Variants in OPCML observed in about 807,000 individuals in gnomAD.
OPCML encodes the protein opioid-binding protein/cell adhesion molecule.
A neutral mutation model predicts 37.8 loss-of-function variants in OPCML; 13 were observed. The observed-to-expected ratio is 0.34, with a 90% CI of 0.22 to 0.55. The LOEUF is 0.55. OPCML is among the 20% of genes least tolerant of loss of function. The pLI is 0.91. For missense variants in OPCML, 341 were observed against 435.6 expected (o/e 0.78, Z 1.93); for synonymous variants, 176 against 168.8 (o/e 1.04, Z -0.33).
At chr11:133,209,684 T>C (rs1397250112) in intron 1 of OPCML, among the ~76,000 whole-genome samples, 1 of 152,160 alleles carries the variant, frequency 6.6e-6, no homozygotes, top group Non-Finnish European at 1.5e-5. Context: ...CGAGTAGACT[T>C]CTATGAATGG....
chr11:133,439,292 G>GGT, intron 1 of OPCML: 3 of 879,932 alleles, frequency 3.4e-6, no homozygotes, highest in Non-Finnish European at 4.1e-6. Flanking sequence ...AGTAAAAGAT[G>GGT]TTTTTTTTTT....
chr11:132,503,926 T>G (rs1391743139), intron 4 of OPCML, among the ~76,000 whole-genome samples: 1 of 152,198 alleles, frequency 6.6e-6, no homozygotes, highest in Non-Finnish European at 1.5e-5. Context: ...GGTAGCTATC[T>G]CTTAGAGTAA....
At chr11:133,395,316 G>A (rs1945261689) in intron 1 of OPCML, among the ~76,000 whole-genome samples, 1 of 152,150 alleles carries the variant, frequency 6.6e-6, no homozygotes, top group East Asian at 1.9e-4. Flanking sequence ...CTCCCGTCCT[G>A]TGAGTTATCT....
intron 4 of OPCML, among the ~76,000 whole-genome samples, chr11:132,437,663 C>T: frequency 6.6e-6 from 1 of 152,098 alleles, no homozygotes; most frequent in Non-Finnish European, 1.5e-5. Context: ...TCAGAGATGA[C>T]ATGATAAATA....
intron 1 of OPCML, among the ~76,000 whole-genome samples, chr11:133,524,776 T>C (rs1253458097): frequency 6.6e-6 from 1 of 152,232 alleles, no homozygotes; most frequent in Non-Finnish European, 1.5e-5. Context: ...AAGCATTCCC[T>C]GCACATTCCC....
intron 1 of OPCML, among the ~76,000 whole-genome samples, chr11:133,250,880 C>T (rs1941110345): frequency 1.3e-5 from 2 of 152,042 alleles, no homozygotes; most frequent in African/African-American, 4.8e-5. Flanking sequence ...TAAACAGTTG[C>T]CAGTCCTGAA....
rs1328937700 is a variant in OPCML at position 133,173,345 on chromosome 11, T to C, written c.62-230335A>G. Reference sequence around the variant, plus strand: ...TCTCTACTTGTAGACCCCAACATTCTTGGAGTCTGAGACTCATAGAGAGGG... The same window carrying C: ...TCTCTACTTGTAGACCCCAACATTCCTGGAGTCTGAGACTCATAGAGAGGG... On this transcript the variant is annotated intron_variant, in intron 1 of 7. Coordinates refer to ENST00000524381, the MANE Select transcript of OPCML (RefSeq NM_001012393.5). This position sits in a 1 kb window ranked among gnomAD's most constrained non-coding sequence, Gnocchi z 7.8. 6.6e-6 allele frequency among the ~76,000 whole-genome samples: 1 copy of C among 152,218 alleles called. No homozygotes were observed. The highest frequency in any genetic ancestry group is 1.5e-5 in the Non-Finnish European group (1 of 68,052).
At chr11:132,963,983 G>A (rs996488519) in intron 1 of OPCML, among the ~76,000 whole-genome samples, 3 of 152,028 alleles carry the variant, frequency 2.0e-5, no homozygotes, top group Non-Finnish European at 2.9e-5. Context: ...GAATGTATAC[G>A]GCAGGTCAGG....
chr11:133,492,172 G>C (rs1343014263), intron 1 of OPCML, among the ~76,000 whole-genome samples: 1 of 151,978 alleles, frequency 6.6e-6, no homozygotes, highest in Non-Finnish European at 1.5e-5. Context: ...GGTGTAGACT[G>C]AGTGGACAGG....
chr11:133,513,925 C>A (rs559850833), intron 1 of OPCML, among the ~76,000 whole-genome samples: 4 of 152,220 alleles, frequency 2.6e-5, no homozygotes, highest in African/African-American at 7.2e-5. Flanking sequence ...GCAAAGAAAT[C>A]GAGCCAGCAA....
chr11:132,818,587 T>TTAGATAGATAGATAGA (rs1555193663), intron 2 of OPCML, among the ~76,000 whole-genome samples: 3 of 138,028 alleles, frequency 2.2e-5, no homozygotes, highest in African/African-American at 5.4e-5. Context: ...TCTCTCTCTC[T>TTAGATAGATAGATAGA]TAGATAGATA....
intron 2 of OPCML, among the ~76,000 whole-genome samples, chr11:132,728,497 A>G (rs986155903): frequency 6.6e-6 from 1 of 152,140 alleles, no homozygotes; most frequent in African/African-American, 2.4e-5. Flanking sequence ...TAATAACAGT[A>G]TATACTAATT....
At chr11:132,702,889 T>C (rs1228333237) in intron 2 of OPCML, among the ~76,000 whole-genome samples, 1 of 152,120 alleles carries the variant, frequency 6.6e-6, no homozygotes, top group Admixed American at 6.6e-5. Context: ...AAGCAGGATT[T>C]CTGTTTGGTT....
At chr11:132,726,448 C>T (rs1944888153) in intron 2 of OPCML, among the ~76,000 whole-genome samples, 1 of 152,060 alleles carries the variant, frequency 6.6e-6, no homozygotes, top group South Asian at 2.1e-4. Context: ...TGGGTCCCTC[C>T]CACAACACAT....
chr11:133,420,893 C>T lies in OPCML; in HGVS notation c.61+111371G>A, dbSNP rs78267420. 170 of 985,334 alleles carry T rather than the reference C, an allele frequency of 1.7e-4. No individual in the cohort carries two copies. The African/African-American group carries it at 2.9e-3, about 17-fold the overall frequency. The allele number at this position is 985,334 out of a possible 1,614,324, so 61.0% of individuals were successfully genotyped here. ...TCCATTTATATGAGCGTCTCATGAGCCTTCAAGGAAAACAGTAAAAAGGAT... is the reference window on the plus strand; with the variant it reads ...TCCATTTATATGAGCGTCTCATGAGTCTTCAAGGAAAACAGTAAAAAGGAT... On this transcript the variant is annotated intron_variant, in intron 1 of 7. Coordinates refer to ENST00000524381, the MANE Select transcript of OPCML (RefSeq NM_001012393.5).
chr11:133,320,902 A>G (rs1011953286), intron 1 of OPCML, among the ~76,000 whole-genome samples: 1 of 152,190 alleles, frequency 6.6e-6, no homozygotes, highest in Non-Finnish European at 1.5e-5. Flanking sequence ...GGCAGCACCC[A>G]GCTGGCTGAG....
At chr11:133,382,172 A>G (rs1944943902) in intron 1 of OPCML, among the ~76,000 whole-genome samples, 1 of 152,226 alleles carries the variant, frequency 6.6e-6, no homozygotes, top group Non-Finnish European at 1.5e-5. Flanking sequence ...TCTTTTACAC[A>G]TAATCTGCCC....
At chr11:133,344,739 T>G (rs987552931) in intron 1 of OPCML, among the ~76,000 whole-genome samples, 6 of 152,224 alleles carry the variant, frequency 3.9e-5, no homozygotes, top group African/African-American at 1.2e-4. Context: ...TGTCATTTTC[T>G]TTAATGAAAG....
intron 1 of OPCML, among the ~76,000 whole-genome samples, chr11:133,339,188 A>G (rs899426657): frequency 6.6e-6 from 1 of 152,238 alleles, no homozygotes; most frequent in Admixed American, 6.5e-5. Flanking sequence ...ATTAATAAAA[A>G]TGACTATTGA....
Sources: gnomAD v4.1 joint callset for allele counts (sites outside exome capture counted in the v4.1 genomes callset) on GRCh38, gnomAD v4.1.1 for gene constraint, Gnocchi (gnomAD v3.1) non-coding constraint, MANE v1.5 for transcripts, NCBI Gene and HGNC (gene_info 2026-07-23, HGNC 2026-07-21) for gene names.